Variants in TEX264 observed in about 807,000 individuals in gnomAD.
The protein encoded by TEX264 is testis expressed 264, ER-phagy receptor.
TEX264 carries 13 observed loss-of-function variants against 23.4 expected under a neutral mutation model. That is an observed-to-expected ratio of 0.56 (90% CI 0.36 to 0.88). The LOEUF is 0.88. Among genes scored for constraint, TEX264 ranks in the 40% least tolerant of loss-of-function variants. TEX264 has a pLI of 0.01. For synonymous variants in TEX264, 159 were observed against 170.0 expected, an observed-to-expected ratio of 0.94 and a Z score of 0.50; for missense variants, 340 against 406.8, an observed-to-expected ratio of 0.84 and a Z score of 1.41.
chr3:51,680,267 A>G (rs1175483180), intron 2 of TEX264, among the ~76,000 whole-genome samples: 2 of 152,196 alleles, frequency 1.3e-5, no homozygotes, highest in African/African-American at 4.8e-5. Flanking sequence ...ACCATTTCTC[A>G]TTCCTGCATC....
chr3:51,695,150 C>T (rs2086369597), intron 3 of TEX264, among the ~76,000 whole-genome samples: 2 of 152,234 alleles, frequency 1.3e-5, no homozygotes, highest in Admixed American at 6.5e-5. Context: ...TGGGATGCAA[C>T]AGCTGCTTGC....
intron 4 of TEX264, among the ~76,000 whole-genome samples, chr3:51,699,837 T>G (rs1703220728): frequency 6.6e-6 from 1 of 152,066 alleles, no homozygotes; most frequent in African/African-American, 2.4e-5. Flanking sequence ...CTGGATTCCC[T>G]CCAGATGCAG....
rs1316759440 is a variant in TEX264, at chr3:51,689,159, C to CA, written c.480+4526dup. On this transcript the variant is annotated intron_variant, in intron 3 of 4. Transcript: ENST00000341333. ...GATAAATGAAGGGGGCATGGTGGCT[C>CA]ACACCTGTAATCCCAGCACTTTGGG... Among the ~76,000 whole-genome samples the CA allele has an allele frequency of 2.6e-5, 4 of 152,016 alleles. 1 individual carries two copies. In the South Asian group the frequency reaches 6.2e-4, roughly 24 times the overall value.
intron 2 of TEX264, among the ~76,000 whole-genome samples, chr3:51,679,394 C>G (rs1702344581): frequency 6.6e-6 from 1 of 152,152 alleles, no homozygotes; most frequent in Non-Finnish European, 1.5e-5. Flanking sequence ...TGGTTTAGTC[C>G]CAGCCTCCTG....
intron 1 of TEX264, among the ~76,000 whole-genome samples, chr3:51,673,485 C>A (rs1233632515): frequency 6.6e-6 from 1 of 152,236 alleles, no homozygotes; most frequent in Admixed American, 6.5e-5. Flanking sequence ...TGCGACTCCC[C>A]TTTTAGCAGC....
Position 51,686,715 on chromosome 3 carries a change from C to G in TEX264, c.480+2081C>G, listed in dbSNP as rs1045256935. Among the ~76,000 whole-genome samples the G allele has an allele frequency of 2.0e-5, 3 of 151,964 alleles. No homozygotes were observed. Among genetic ancestry groups the G allele is most frequent in the African/African-American group, 7.3e-5 (3 of 41,362 alleles). ...GGTGGTGTGGGCAGGAAGGAAGATA[C>G]CAGTGCCCTAGGCCTGCTTAGTGTG... On this transcript the variant is annotated intron_variant, in intron 3 of 4. Transcript: ENST00000341333. The surrounding 1 kb of genome is among the most constrained non-coding windows in gnomAD (Gnocchi z 4.1).
chr3:51,684,726 G>C (rs1702554550), intron 3 of TEX264, 92 bp downstream of exon 3: 11 of 1,332,008 alleles, frequency 8.3e-6, no homozygotes, highest in Non-Finnish European at 1.2e-5. Context: ...GGAAGAAGTG[G>C]TTTTGGGAGA....
At chr3:51,680,408 A>AG (rs1702385603) in intron 2 of TEX264, among the ~76,000 whole-genome samples, 2 of 152,294 alleles carry the variant, frequency 1.3e-5, no homozygotes, top group Admixed American at 6.5e-5. Flanking sequence ...CCACTCAGGA[A>AG]GGGGCAGTGG....
chr3:51,688,349 A>G (rs1161712038), intron 3 of TEX264, among the ~76,000 whole-genome samples: 1 of 152,192 alleles, frequency 6.6e-6, no homozygotes, highest in Non-Finnish European at 1.5e-5. Flanking sequence ...GGACACATGG[A>G]ACAGACCAGG....
intron 3 of TEX264, among the ~76,000 whole-genome samples, chr3:51,695,062 G>A (rs1196741382): frequency 1.3e-5 from 2 of 152,248 alleles, no homozygotes; most frequent in Non-Finnish European, 2.9e-5. Flanking sequence ...GCTGTGTGCA[G>A]GCAGGTGCAT....
Position 51,699,577 on chromosome 3 carries a change from A to C in TEX264, c.649+3A>C, listed in dbSNP as rs111793502. The C allele has an allele frequency of 1.7e-5, 27 of 1,613,536 alleles. No individual in the cohort carries two copies. Among genetic ancestry groups the C allele is most frequent in the Non-Finnish European group, 2.3e-5 (27 of 1,179,710 alleles). On this transcript the variant is annotated splice_donor_region_variant and intron_variant, in intron 4 of 4. Coordinates refer to ENST00000341333, the MANE Select transcript of TEX264 (RefSeq NM_015926.6). ...TGACACCCAGGTGGATGGCACAGGT[A>C]CAGAAGGTGGGGTATGAGGATGGGG...
chr3:51,675,558 T>G (rs1702202156), intron 2 of TEX264, among the ~76,000 whole-genome samples: 1 of 152,204 alleles, frequency 6.6e-6, no homozygotes, highest in Non-Finnish European at 1.5e-5. Flanking sequence ...GACCTGGCTC[T>G]GCCCTCAGGA....
At chr3:51,702,337 G>A (rs1430674163) in intron 4 of TEX264, among the ~76,000 whole-genome samples, 1 of 152,216 alleles carries the variant, frequency 6.6e-6, no homozygotes, top group Non-Finnish European at 1.5e-5. Flanking sequence ...CTTCTGTCCT[G>A]GGAGCCACAC....
intron 3 of TEX264, among the ~76,000 whole-genome samples, chr3:51,684,835 G>A (rs1268251856): frequency 6.6e-6 from 1 of 152,234 alleles, no homozygotes; most frequent in Non-Finnish European, 1.5e-5. Flanking sequence ...TCTTTTGGAA[G>A]CCGGAGCATA....
At chr3:51,697,008 A>G (rs1399912765) in intron 3 of TEX264, among the ~76,000 whole-genome samples, 8 of 152,180 alleles carry the variant, frequency 5.3e-5, no homozygotes, top group African/African-American at 1.9e-4. Flanking sequence ...TGGGCAGAGA[A>G]GGAAGGGCTG....
intron 2 of TEX264, among the ~76,000 whole-genome samples, chr3:51,676,453 T>C (rs990711533): frequency 6.6e-6 from 1 of 152,164 alleles, no homozygotes; most frequent in Non-Finnish European, 1.5e-5. Flanking sequence ...CCCAGAGATG[T>C]GGTGGACCCC....
At chr3:51,676,197 A>C (rs1702221268) in intron 2 of TEX264, among the ~76,000 whole-genome samples, 1 of 152,118 alleles carries the variant, frequency 6.6e-6, no homozygotes, top group Non-Finnish European at 1.5e-5. Flanking sequence ...CCCCCCTTCC[A>C]CACCTGGCCC....
chr3:51,685,018 T>C (rs377199293), intron 3 of TEX264, among the ~76,000 whole-genome samples: 27 of 152,330 alleles, frequency 1.8e-4, no homozygotes, highest in African/African-American at 6.0e-4. Flanking sequence ...GCTCCCAGTG[T>C]CTGGGCAGGC....
At position 51,703,630 on chromosome 3, in the gene TEX264, T is replaced by G; in HGVS notation, c.650-94T>G. 2.3e-6 allele frequency: 3 copies of G among 1,301,168 alleles called. No individual in the cohort carries two copies. The highest frequency in any genetic ancestry group is 2.1e-6 in the Non-Finnish European group (2 of 953,724). 80.6% of individuals were successfully genotyped at this position (1,301,168 alleles called of 1,614,324 possible). On this transcript the variant is annotated intron_variant, in intron 4 of 4. Transcript: ENST00000341333. The surrounding 1 kb of genome is among the most constrained non-coding windows in gnomAD (Gnocchi z 4.8). ...AGCCCCCTGAGCCCGGGAGGCTGCA[T>G]TATTCATGAGTGCACTGCGTGCTGA...
Sources: allele counts gnomAD v4.1 joint callset (sites outside exome capture counted in the v4.1 genomes callset), GRCh38; gene constraint gnomAD v4.1.1; non-coding constraint Gnocchi (gnomAD v3.1); transcripts MANE v1.5; gene names NCBI Gene and HGNC (gene_info 2026-07-23, HGNC 2026-07-21).